PGD: variants seen among roughly 807,000 people sequenced by gnomAD.
PGD encodes the protein 6-phosphogluconate dehydrogenase, decarboxylating.
Under a neutral mutation model 60.4 loss-of-function variants are expected in PGD, and 21 were observed. The observed-to-expected ratio is 0.35, with a 90% confidence interval of 0.25 to 0.50. The LOEUF is 0.50. Among genes scored for constraint, PGD ranks in the 20% least tolerant of loss-of-function variants. The pLI, the probability that PGD is intolerant of heterozygous loss-of-function variation, is 0.98. For missense variants in PGD, 477 were observed against 613.1 expected (o/e 0.78, Z 2.34); for synonymous variants, 230 against 235.9 (o/e 0.97, Z 0.23).
chr1:10,408,940 C>G (rs1639452313), intron 6 of PGD, among the ~76,000 whole-genome samples: 1 of 152,106 alleles, frequency 6.6e-6, no homozygotes, highest in Non-Finnish European at 1.5e-5. Flanking sequence ...AACTTTATCT[C>G]ATATTGTAGT....
At chr1:10,403,969 C>T (rs1190433316) in intron 4 of PGD, among the ~76,000 whole-genome samples, 192 bp from the exon 5 acceptor site, 2 of 152,156 alleles carry the variant, frequency 1.3e-5, no homozygotes, top group African/African-American at 4.8e-5. Context: ...TTAACTCCTA[C>T]ACATAGGGGA....
chr1:10,399,234 T>A (rs544177825), intron 1 of PGD, 109 bp downstream of exon 1: 1 of 1,277,764 alleles, frequency 7.8e-7, no homozygotes, highest in African/African-American at 1.5e-5. Flanking sequence ...GGGGGTCGCC[T>A]GAGCTCACTT....
intron 2 of PGD, chr1:10,399,921 G>C: frequency 3.4e-6 from 2 of 593,918 alleles, no homozygotes; most frequent in East Asian, 5.6e-5. Flanking sequence ...GGTCCGTGAG[G>C]TTCACAGCCC....
intron 9 of PGD, 31 bp downstream of exon 9, chr1:10,417,148 T>C: frequency 6.2e-7 from 1 of 1,612,852 alleles, no homozygotes; most frequent in Non-Finnish European, 8.5e-7. Flanking sequence ...GTGGTCTTTG[T>C]TGGTCCTGCG....
At chr1:10,405,325 C>G (rs562726335) in intron 5 of PGD, among the ~76,000 whole-genome samples, 2 of 151,250 alleles carry the variant, frequency 1.3e-5, no homozygotes, top group Non-Finnish European at 2.9e-5. Context: ...GAGCCGAGAT[C>G]GCGCCACTGC....
chr1:10,410,459 A>G (rs1426291835), intron 6 of PGD, among the ~76,000 whole-genome samples: 2 of 151,718 alleles, frequency 1.3e-5, no homozygotes, highest in Non-Finnish European at 2.9e-5. Flanking sequence ...AAAAAGAAAC[A>G]CGGACAATGG....
rs1391548315 is a variant in PGD at position 10,400,431 on chromosome 1, T to C, written c.123T>C (p.Asp41=). 1.2e-6 allele frequency: 2 copies of C among 1,613,974 alleles called. No homozygotes were observed. The highest frequency in any genetic ancestry group is 3.3e-5 in the Admixed American group (2 of 59,990). Residue 41 remains aspartate, a synonymous_variant, in exon 3 of 13, where the codon GAT becomes GAC. Transcript: ENST00000270776. ...AFNRTVSKVD[D]FLANEAKGTK... Reference sequence around the variant, plus strand: ...ATAGGACTGTCTCCAAAGTTGATGATTTCTTGGCCAATGAGGCAAAGGGAA... The same window carrying C: ...ATAGGACTGTCTCCAAAGTTGATGACTTCTTGGCCAATGAGGCAAAGGGAA...
chr1:10,416,117 AG>A (rs1264629064), intron 8 of PGD, among the ~76,000 whole-genome samples: 1 of 152,172 alleles, frequency 6.6e-6, no homozygotes, highest in African/African-American at 2.4e-5. Context: ...TTTTAGAGAC[AG>A]GGTCTCACTG....
At chr1:10,405,855 T>C (rs1639395404) in intron 5 of PGD, among the ~76,000 whole-genome samples, 2 of 151,946 alleles carry the variant, frequency 1.3e-5, no homozygotes, top group Non-Finnish European at 2.9e-5. Flanking sequence ...GAAAAAATGA[T>C]TCTTTTTTTG....
chr1:10,401,399 A>G (rs1159559434), intron 3 of PGD, among the ~76,000 whole-genome samples: 1 of 152,214 alleles, frequency 6.6e-6, no homozygotes, highest in East Asian at 1.9e-4. Flanking sequence ...AGGCACTCCC[A>G]TTTAGAAGAA....
At chr1:10,407,905 C>T (rs1182955876) in intron 5 of PGD, among the ~76,000 whole-genome samples, 166 bp from the exon 6 acceptor site, 1 of 150,122 alleles carries the variant, frequency 6.7e-6, no homozygotes, top group Non-Finnish European at 1.5e-5. Flanking sequence ...GCTGAGATCA[C>T]ACCACTGCAT....
Position 10,399,268 on chromosome 1 carries a change from C to T in PGD, c.8+143C>T, listed in dbSNP as rs551568692. 161 of 972,696 alleles carry T rather than the reference C, an allele frequency of 1.7e-4. No homozygotes were observed. The African/African-American group carries it at 2.5e-3, about 15-fold the overall frequency. The allele number at this position is 972,696 out of a possible 1,614,324, so 60.3% of individuals were successfully genotyped here. On this transcript the variant is annotated intron_variant, in intron 1 of 12. Coordinates refer to ENST00000270776, the MANE Select transcript of PGD (RefSeq NM_002631.4). Reference sequence around the variant, plus strand: ...TTGGGGCTCTGTGACCCTGGCCCTACGGCGTCTCGGGCCCAGAGCTCCTTC... The same window carrying T: ...TTGGGGCTCTGTGACCCTGGCCCTATGGCGTCTCGGGCCCAGAGCTCCTTC...
intron 3 of PGD, among the ~76,000 whole-genome samples, chr1:10,401,310 G>T (rs549904399): frequency 5.3e-4 from 81 of 152,244 alleles, no homozygotes; most frequent in Non-Finnish European, 8.8e-4. Flanking sequence ...TTTTTTGGAA[G>T]AAAAAAGTAG....
At chr1:10,410,558 C>T (rs941149287) in intron 6 of PGD, among the ~76,000 whole-genome samples, 1 of 152,078 alleles carries the variant, frequency 6.6e-6, no homozygotes, top group Non-Finnish European at 1.5e-5. Context: ...AACACCTGGC[C>T]TCCTGGGCAG....
Position 10,399,064 on chromosome 1 carries a change from C to T in PGD, c.-54C>T, listed in dbSNP as rs1468553640. 2.5e-6 allele frequency: 4 copies of T among 1,607,764 alleles called. No homozygotes were observed. Among genetic ancestry groups the T allele is most frequent in the African/African-American group, 1.3e-5 (1 of 74,856 alleles). The stretch of plus-strand genomic sequence containing the variant: ...CTGGAGGGAGCCGCTGCGGGTCTTT[C>T]CCTCACTCGTCCTCCGCGCGTCGCC... On this transcript the variant is annotated 5_prime_UTR_variant, in exon 1 of 13. Coordinates refer to ENST00000270776, the MANE Select transcript of PGD (RefSeq NM_002631.4).
chr1:10,403,274 C>T (rs541641917), intron 4 of PGD, 138 bp downstream of exon 4: 7 of 650,210 alleles, frequency 1.1e-5, no homozygotes, highest in African/African-American at 7.3e-5. Flanking sequence ...CAATAGTTCT[C>T]AGCCTTTTTT....
At chr1:10,416,704 G>T (rs573038685) in intron 8 of PGD, among the ~76,000 whole-genome samples, 1 of 152,142 alleles carries the variant, frequency 6.6e-6, no homozygotes, top group Non-Finnish European at 1.5e-5. Context: ...TTTCTCTTAC[G>T]GGCAGGGCCG....
rs747012713 is a variant in PGD, at chr1:10,408,061, C to A, written c.450-10C>A. The A allele has an allele frequency of 1.3e-6, 2 of 1,575,006 alleles. No individual in the cohort carries two copies. Among genetic ancestry groups the A allele is most frequent in the Admixed American group, 1.7e-5 (1 of 59,942 alleles). On this transcript the variant is annotated splice_polypyrimidine_tract_variant and intron_variant, in intron 5 of 12. Coordinates refer to ENST00000270776, the MANE Select transcript of PGD (RefSeq NM_002631.4). ...TCTCATTAACTGAACCACACTGTTTCTTTACACAGGCCCCACATCAAGACC... is the reference window on the plus strand; with the variant it reads ...TCTCATTAACTGAACCACACTGTTTATTTACACAGGCCCCACATCAAGACC...
chr1:10,412,042 C>G (rs1639509304), intron 7 of PGD, among the ~76,000 whole-genome samples: 1 of 152,232 alleles, frequency 6.6e-6, no homozygotes, highest in Non-Finnish European at 1.5e-5. Flanking sequence ...CCTCCTTTCT[C>G]CCATCCACAG....
Sources: gnomAD v4.1 joint callset for allele counts (sites outside exome capture counted in the v4.1 genomes callset) on GRCh38, gnomAD v4.1.1 for gene constraint, MANE v1.5 for transcripts, NCBI Gene and HGNC (gene_info 2026-07-23, HGNC 2026-07-21) for gene names.